Variants in GABRG3 observed in about 807,000 individuals in gnomAD.
GABRG3 encodes the protein gamma-aminobutyric acid type A receptor subunit gamma3, also known as gamma-aminobutyric acid receptor subunit gamma-3.
GABRG3 carries 25 observed loss-of-function variants against 48.8 expected under a neutral mutation model. The observed-to-expected ratio is 0.51, with a 90% CI of 0.37 to 0.72. The LOEUF (loss-of-function observed/expected upper bound fraction) is 0.72. GABRG3 is among the 30% of genes least tolerant of loss of function. GABRG3 has a pLI of 0.00. For missense variants in GABRG3, 394 were observed against 577.9 expected (o/e 0.68, Z 3.26); for synonymous variants, 227 against 217.6 (o/e 1.04, Z -0.38).
chr15:27,148,613 T>A (rs534764086), intron 3 of GABRG3, among the ~76,000 whole-genome samples: 1 of 151,926 alleles, frequency 6.6e-6, no homozygotes, highest in Non-Finnish European at 1.5e-5. Context: ...AACAAAATAC[T>A]AGCAATCTGA....
chr15:27,059,471 G>C (rs987184452), intron 3 of GABRG3, among the ~76,000 whole-genome samples: 1 of 152,198 alleles, frequency 6.6e-6, no homozygotes, highest in Non-Finnish European at 1.5e-5. Flanking sequence ...TAATTTCAAA[G>C]TTTCTATTGA....
intron 3 of GABRG3, among the ~76,000 whole-genome samples, chr15:27,306,791 A>ATAAACATACAATATAAACATGTTTATATG (rs1892518730): frequency 9.2e-6 from 1 of 108,228 alleles, no homozygotes; most frequent in Non-Finnish European, 1.7e-5. Flanking sequence ...ATGTTTATAT[A>ATAAACATACAATATAAACATGTTTATATG]TAAACATACA....
intron 3 of GABRG3, among the ~76,000 whole-genome samples, chr15:27,106,631 A>G (rs1349175649): frequency 1.3e-5 from 2 of 152,040 alleles, no homozygotes; most frequent in Non-Finnish European, 2.9e-5. Context: ...TAAATGAAAC[A>G]AAAAGCTGGA....
At chr15:27,404,807 G>T (rs1566826369) in intron 5 of GABRG3, among the ~76,000 whole-genome samples, 1 of 152,170 alleles carries the variant, frequency 6.6e-6, no homozygotes, top group African/African-American at 2.4e-5. Flanking sequence ...GTCCTCTTCT[G>T]ACTCTGACTG....
rs192012929 is a variant in GABRG3, at chr15:27,321,797, A to G, written c.271-5012A>G. 1.3e-4 allele frequency among the ~76,000 whole-genome samples: 20 copies of G among 152,360 alleles called. No individual in the cohort carries two copies. In the East Asian group the frequency reaches 3.9e-3, roughly 29 times the overall value. ...TCTTCTTTAATAAAGGAAGGGAGAA[A>G]AGTGTGAGGAAATAGTTTCCAAATT... On this transcript the variant is annotated intron_variant, in intron 3 of 9. Transcript: ENST00000615808.
intron 3 of GABRG3, among the ~76,000 whole-genome samples, chr15:27,156,318 A>AAAG (rs1898424038): frequency 6.8e-6 from 1 of 146,332 alleles, no homozygotes; most frequent in Admixed American, 6.8e-5. Context: ...AAAAAAAAAA[A>AAAG]AAAGAAAGAA....
At chr15:27,526,008 C>T (rs912351691) in intron 7 of GABRG3, among the ~76,000 whole-genome samples, 1 of 152,112 alleles carries the variant, frequency 6.6e-6, no homozygotes, top group South Asian at 2.1e-4. Flanking sequence ...CTACATCTGA[C>T]ATAAGTATAG....
At chr15:26,991,364 AT>A (rs557323706) in intron 2 of GABRG3, among the ~76,000 whole-genome samples, 2,548 of 145,706 alleles carry the variant, frequency 0.017, 50 homozygotes, top group African/African-American at 0.048. Context: ...GATTCGTTCA[AT>A]TTTTTTTTTT....
chr15:26,971,332 C>T lies in GABRG3; in HGVS notation c.-204C>T. 3.2e-6 allele frequency: 1 copy of T among 310,890 alleles called. No individual in the cohort carries two copies. Among genetic ancestry groups the T allele is most frequent in the Non-Finnish European group, 5.8e-6 (1 of 172,436 alleles). The allele number at this position is 310,890 out of a possible 1,614,324, so 19.3% of individuals were successfully genotyped here. On this transcript the variant is annotated 5_prime_UTR_variant, in exon 1 of 10. Coordinates refer to ENST00000615808, the MANE Select transcript of GABRG3 (RefSeq NM_033223.5). ...TAGTGCGCGGGTGGGGGCGGCGCGCCGCGGTGGCCCGGCGTCCCGTGTGCG... is the reference window on the plus strand; with the variant it reads ...TAGTGCGCGGGTGGGGGCGGCGCGCTGCGGTGGCCCGGCGTCCCGTGTGCG...
intron 2 of GABRG3, among the ~76,000 whole-genome samples, chr15:27,013,440 A>G (rs1895724579): frequency 2.0e-5 from 3 of 152,122 alleles, no homozygotes; most frequent in Non-Finnish European, 4.4e-5. Context: ...CCAAGAAATT[A>G]TTACCAAATT....
chr15:27,282,579 GT>G (rs1219135718), intron 3 of GABRG3, among the ~76,000 whole-genome samples: 1 of 152,154 alleles, frequency 6.6e-6, no homozygotes, highest in African/African-American at 2.4e-5. Context: ...TGTATCATAG[GT>G]TTTTTTGTGT....
intron 5 of GABRG3, among the ~76,000 whole-genome samples, chr15:27,441,595 C>T (rs894037498): frequency 3.3e-5 from 5 of 152,178 alleles, no homozygotes; most frequent in African/African-American, 9.7e-5. Context: ...CATCTTCATT[C>T]GCTCTGATGA....
At chr15:27,239,441 A>G (rs575142558) in intron 3 of GABRG3, among the ~76,000 whole-genome samples, 7 of 152,366 alleles carry the variant, frequency 4.6e-5, no homozygotes, top group African/African-American at 1.7e-4. Flanking sequence ...CAAAGAAAGC[A>G]TAAGCTCTTT....
At chr15:27,454,724 T>C (rs975587190) in intron 5 of GABRG3, among the ~76,000 whole-genome samples, 3 of 152,232 alleles carry the variant, frequency 2.0e-5, no homozygotes, top group Non-Finnish European at 4.4e-5. Context: ...ATTCCATTCA[T>C]GCATTTCAGT....
chr15:26,977,437 C>T (rs1262786497), intron 2 of GABRG3, among the ~76,000 whole-genome samples: 1 of 152,180 alleles, frequency 6.6e-6, no homozygotes, highest in Non-Finnish European at 1.5e-5. Context: ...CTCGTATCAC[C>T]TCTTGCTATC....
In GABRG3 at chr15:27,225,265, T is replaced by C. The variant is rs377268044; in HGVS notation, c.271-101544T>C. The stretch of plus-strand genomic sequence containing the variant: ...CTTGTCCTTCCCATGACAGTGCCCA[T>C]AAACTAAAGCACAGTTGCCTTCGCT... On this transcript the variant is annotated intron_variant, in intron 3 of 9. Transcript: ENST00000615808. Among the ~76,000 whole-genome samples the C allele has an allele frequency of 3.6e-4, 55 of 152,178 alleles. 1 individual carries two copies. Among genetic ancestry groups the C allele is most frequent in the African/African-American group, 1.2e-3 (50 of 41,484 alleles).
intron 3 of GABRG3, among the ~76,000 whole-genome samples, chr15:27,233,818 G>GAGTT (rs1425558443): frequency 1.3e-5 from 2 of 152,222 alleles, no homozygotes; most frequent in Non-Finnish European, 2.9e-5. Context: ...GTAGGGTTGA[G>GAGTT]AGTTCATCCT....
chr15:27,263,923 CAAAAAA>C (rs71132805), intron 3 of GABRG3, among the ~76,000 whole-genome samples: 2 of 136,826 alleles, frequency 1.5e-5, no homozygotes, highest in Non-Finnish European at 1.6e-5. Context: ...GAGACTCTGT[CAAAAAA>C]AAAAAAAAAG....
chr15:27,214,188 G>C (rs966937546), intron 3 of GABRG3, among the ~76,000 whole-genome samples: 5 of 152,146 alleles, frequency 3.3e-5, no homozygotes, highest in African/African-American at 9.7e-5. Context: ...AGAAGGCATT[G>C]TTAAACAGGT....
Sources: gnomAD v4.1 joint callset for allele counts (sites outside exome capture counted in the v4.1 genomes callset) on GRCh38, gnomAD v4.1.1 for gene constraint, MANE v1.5 for transcripts, NCBI Gene and HGNC (gene_info 2026-07-23, HGNC 2026-07-21) for gene names.